Variants in TMPRSS15 observed in about 807,000 individuals in gnomAD.
TMPRSS15 encodes the protein transmembrane serine protease 15.
TMPRSS15 carries 128 observed loss-of-function variants against 125.3 expected under a neutral mutation model. That is an observed-to-expected ratio of 1.02 (90% confidence interval 0.89 to 1.18). The LOEUF is 1.18. TMPRSS15 is among the 50% of genes most tolerant of loss of function. The pLI is 0.00. For missense variants in TMPRSS15, 1,283 were observed against 1,212.7 expected (o/e 1.06, Z -0.86); for synonymous variants, 446 against 423.2 (o/e 1.05, Z -0.66).
At chr21:18,427,645 T>C (rs2076206033) in intron 1 of TMPRSS15, among the ~76,000 whole-genome samples, 1 of 152,208 alleles carries the variant, frequency 6.6e-6, no homozygotes, top group Admixed American at 6.5e-5. Context: ...GACTGAGCAT[T>C]TATATTTTAT....
intron 21 of TMPRSS15, among the ~76,000 whole-genome samples, chr21:18,281,505 T>A (rs909395441): frequency 6.6e-6 from 1 of 152,156 alleles, no homozygotes; most frequent in African/African-American, 2.4e-5. Context: ...TGCAATCTCG[T>A]GAGGTGCTTT....
chr21:18,293,330 A>G (rs1316668783), intron 21 of TMPRSS15, among the ~76,000 whole-genome samples: 2 of 152,106 alleles, frequency 1.3e-5, no homozygotes, highest in Non-Finnish European at 2.9e-5. Context: ...TTCCTCGTCA[A>G]TGCCTGGTTC....
chr21:18,432,567 A>G (rs746934457), intron 1 of TMPRSS15, among the ~76,000 whole-genome samples: 40 of 152,196 alleles, frequency 2.6e-4, no homozygotes, highest in Non-Finnish European at 5.4e-4. Context: ...GTGAAGACAC[A>G]GAAATACAGG....
chr21:18,347,944 A>C (rs549169263), intron 10 of TMPRSS15, among the ~76,000 whole-genome samples: 2 of 152,290 alleles, frequency 1.3e-5, no homozygotes, highest in Admixed American at 1.3e-4. Context: ...CCTTATACTA[A>C]TAATAATGAT....
intron 1 of TMPRSS15, among the ~76,000 whole-genome samples, chr21:18,402,957 T>C (rs2076110545): frequency 6.6e-6 from 1 of 152,092 alleles, no homozygotes; most frequent in Non-Finnish European, 1.5e-5. Flanking sequence ...CTACTCAGTT[T>C]GTGACCTTTT....
chr21:18,454,633 A>G (rs1978406018), intron 1 of TMPRSS15, among the ~76,000 whole-genome samples: 1 of 152,128 alleles, frequency 6.6e-6, no homozygotes, highest in Non-Finnish European at 1.5e-5. Context: ...GGCTGCTGGT[A>G]TAAGTGCCAG....
chr21:18,334,558 A>T (rs1481692638), intron 13 of TMPRSS15, among the ~76,000 whole-genome samples: 1 of 152,224 alleles, frequency 6.6e-6, no homozygotes, highest in Non-Finnish European at 1.5e-5. Context: ...GACATAATTT[A>T]AGAAATGTTC....
intron 17 of TMPRSS15, among the ~76,000 whole-genome samples, chr21:18,313,304 A>G (rs1301199277): frequency 1.3e-5 from 2 of 151,818 alleles, no homozygotes; most frequent in Non-Finnish European, 2.9e-5. Context: ...GGTGATGGAT[A>G]GGTTGATTAG....
chr21:18,272,984 C>T (rs1262442571), intron 24 of TMPRSS15, among the ~76,000 whole-genome samples: 1 of 152,118 alleles, frequency 6.6e-6, no homozygotes, highest in Non-Finnish European at 1.5e-5. Context: ...ACACACATAG[C>T]TGGCCCCACC....
intron 14 of TMPRSS15, among the ~76,000 whole-genome samples, chr21:18,331,328 C>T (rs116475634): frequency 2.0e-4 from 31 of 152,236 alleles, no homozygotes; most frequent in African/African-American, 7.2e-4. Context: ...TTCCATTTAG[C>T]TTAGTGGCCT....
At chr21:18,345,480 T>G (rs1251826358) in intron 10 of TMPRSS15, among the ~76,000 whole-genome samples, 1 of 151,786 alleles carries the variant, frequency 6.6e-6, no homozygotes, top group Non-Finnish European at 1.5e-5. Flanking sequence ...GGTGGCTCAC[T>G]CCTGTAATCC....
At chr21:18,402,397 C>T (rs1239012656) in intron 1 of TMPRSS15, among the ~76,000 whole-genome samples, 5 of 151,810 alleles carry the variant, frequency 3.3e-5, no homozygotes, top group African/African-American at 9.7e-5. Context: ...GGCGTGATGG[C>T]GCGCACCTGT....
intron 1 of TMPRSS15, among the ~76,000 whole-genome samples, chr21:18,434,722 T>G (rs1432493965): frequency 6.6e-6 from 1 of 152,098 alleles, no homozygotes; most frequent in Non-Finnish European, 1.5e-5. Flanking sequence ...ATAAACATCT[T>G]AATCCATCCA....
At chr21:18,395,873 T>C (rs2076029719) in intron 3 of TMPRSS15, among the ~76,000 whole-genome samples, 1 of 152,188 alleles carries the variant, frequency 6.6e-6, no homozygotes, top group African/African-American at 2.4e-5. Flanking sequence ...AAATTAATAT[T>C]CAGGTTTTAT....
intron 18 of TMPRSS15, among the ~76,000 whole-genome samples, chr21:18,300,276 CTT>C (rs2074955412): frequency 7.0e-6 from 1 of 142,758 alleles, no homozygotes; most frequent in Non-Finnish European, 1.6e-5. Context: ...TTTCTCTCTT[CTT>C]TCTCTCTCTC....
intron 21 of TMPRSS15, among the ~76,000 whole-genome samples, chr21:18,288,553 TG>T (rs1237340023): frequency 1.0e-5 from 1 of 98,690 alleles, no homozygotes. Flanking sequence ...TTTTTTTTTT[TG>T]AGATGGAGTG....
intron 1 of TMPRSS15, among the ~76,000 whole-genome samples, chr21:18,442,264 G>A (rs757086945): frequency 3.3e-5 from 5 of 152,048 alleles, no homozygotes; most frequent in African/African-American, 9.7e-5. Context: ...TCCTAAGAAC[G>A]ATGTTTATCC....
chr21:18,354,653 C>T lies in TMPRSS15; in HGVS notation c.881-790G>A, dbSNP rs116064269. 3.8e-3 allele frequency among the ~76,000 whole-genome samples: 574 copies of T among 151,516 alleles called. 5 individuals are homozygous for T. Among genetic ancestry groups the T allele is most frequent in the African/African-American group, 0.013 (540 of 41,368 alleles). ...AAAGCTCAGATATACCCACAGTCCA[C>T]GAACAGATACACAGAATATAGTGCA... On this transcript the variant is annotated intron_variant, in intron 8 of 24. Transcript: ENST00000284885.
chr21:18,485,642 A>C (rs1292013419), intron 1 of TMPRSS15, among the ~76,000 whole-genome samples: 2 of 152,004 alleles, frequency 1.3e-5, no homozygotes, highest in Non-Finnish European at 2.9e-5. Context: ...AATAATATTG[A>C]CTTATGAATC....
Sources: gnomAD v4.1 joint callset for allele counts (sites outside exome capture counted in the v4.1 genomes callset) on GRCh38, gnomAD v4.1.1 for gene constraint, MANE v1.5 for transcripts, NCBI Gene and HGNC (gene_info 2026-07-23, HGNC 2026-07-21) for gene names.